Variants in SLC25A42 observed in about 807,000 individuals in gnomAD.
The protein encoded by SLC25A42 is mitochondrial coenzyme A transporter SLC25A42.
A neutral mutation model predicts 34.7 loss-of-function variants in SLC25A42; 19 were observed. That is an observed-to-expected ratio of 0.55 (90% CI 0.38 to 0.80). The LOEUF (loss-of-function observed/expected upper bound fraction) is 0.80. Among genes scored for constraint, SLC25A42 ranks in the 30% least tolerant of loss-of-function variants. The pLI, the probability that SLC25A42 is intolerant of heterozygous loss-of-function variation, is 0.00. For synonymous variants in SLC25A42, 205 were observed against 191.2 expected (o/e 1.07, Z -0.59); for missense variants, 364 against 441.3 (o/e 0.82, Z 1.57).
chr19:19,101,904 C>T lies in SLC25A42; in HGVS notation c.187+18C>T, dbSNP rs754960131. 2.0e-5 allele frequency: 32 copies of T among 1,599,248 alleles called. No individual in the cohort carries two copies. The highest frequency in any genetic ancestry group is 1.7e-4 in the African/African-American group (13 of 74,474). On this transcript the variant is annotated intron_variant, in intron 3 of 7. Coordinates refer to ENST00000318596, the MANE Select transcript of SLC25A42 (RefSeq NM_178526.5). ...CTTCCAAGGTAAGTGTTGGCCATCCCCAGGTGCTAGAGAAGCTGCCAGGCG... is the reference window on the plus strand; with the variant it reads ...CTTCCAAGGTAAGTGTTGGCCATCCTCAGGTGCTAGAGAAGCTGCCAGGCG...
chr19:19,075,023 G>A (rs918742786), intron 1 of SLC25A42, among the ~76,000 whole-genome samples: 1 of 151,962 alleles, frequency 6.6e-6, no homozygotes, highest in Non-Finnish European at 1.5e-5. Context: ...GCATGATAGT[G>A]TACACCCATA....
chr19:19,077,004 T>C (rs1466982485), intron 1 of SLC25A42, among the ~76,000 whole-genome samples: 1 of 152,018 alleles, frequency 6.6e-6, no homozygotes, highest in Admixed American at 6.5e-5. Context: ...GGCAACATAG[T>C]AAGACCCCAT....
At chr19:19,107,524 G>T (rs2059838116) in intron 6 of SLC25A42, among the ~76,000 whole-genome samples, 1 of 152,050 alleles carries the variant, frequency 6.6e-6, no homozygotes, top group Non-Finnish European at 1.5e-5. Flanking sequence ...CCAGCTACTT[G>T]GGAGGCTGAA....
At chr19:19,080,016 A>G (rs1232517904) in intron 1 of SLC25A42, among the ~76,000 whole-genome samples, 1 of 152,194 alleles carries the variant, frequency 6.6e-6, no homozygotes, top group Non-Finnish European at 1.5e-5. Context: ...CCCAGCATAC[A>G]AGGACACCAG....
In SLC25A42 at chr19:19,110,921, G is replaced by A; in HGVS notation, c.*45G>A. The stretch of plus-strand genomic sequence containing the variant: ...AGGACGGTGGACCGGTGACCCCTTT[G>A]TATTCTGGGCCCATGGAACGGTGGG... On this transcript the variant is annotated 3_prime_UTR_variant, in exon 8 of 8. Coordinates refer to ENST00000318596, the MANE Select transcript of SLC25A42 (RefSeq NM_178526.5). 6.2e-7 allele frequency: 1 copy of A among 1,604,386 alleles called. No individual in the cohort carries two copies. Among genetic ancestry groups the A allele is most frequent in the South Asian group, 1.1e-5 (1 of 90,572 alleles).
chr19:19,068,341 C>T (rs1051667891), intron 1 of SLC25A42, among the ~76,000 whole-genome samples: 1 of 139,376 alleles, frequency 7.2e-6, no homozygotes, highest in African/African-American at 2.7e-5. Context: ...GGCGACAGAG[C>T]GAGACTCTGT....
At position 19,095,997 on chromosome 19, in the gene SLC25A42, A is replaced by G. The variant is rs578138726; in HGVS notation, c.-34-94A>G. ...CAGTTGAGGGCATCCCTCCCCACGCAGGGAGCCAGAAACTGGGATAGGAAA... is the reference window on the plus strand; with the variant it reads ...CAGTTGAGGGCATCCCTCCCCACGCGGGGAGCCAGAAACTGGGATAGGAAA... On this transcript the variant is annotated intron_variant, in intron 1 of 7. Coordinates refer to ENST00000318596, the MANE Select transcript of SLC25A42 (RefSeq NM_178526.5). The G allele has an allele frequency of 5.6e-5, 46 of 817,826 alleles. No individual in the cohort carries two copies. In the East Asian group the frequency reaches 1.2e-3, roughly 21 times the overall value. 50.7% of individuals were successfully genotyped at this position (817,826 alleles called of 1,614,324 possible). A position where few individuals can be genotyped will look rare whatever the true frequency, so the allele number is the denominator to read the frequency against.
intron 6 of SLC25A42, 34 bp downstream of exon 6, chr19:19,106,419 CG>C: frequency 2.6e-6 from 4 of 1,555,966 alleles, no homozygotes; most frequent in South Asian, 1.1e-5. Flanking sequence ...GCATCAGCCC[CG>C]GGGGCTCTGT....
chr19:19,088,171 A>C (rs1046172296), intron 1 of SLC25A42, among the ~76,000 whole-genome samples: 114 of 149,066 alleles, frequency 7.6e-4, no homozygotes, highest in Non-Finnish European at 9.1e-4. Context: ...TCCAGACCCC[A>C]CCCCAGCCCT....
intron 1 of SLC25A42, among the ~76,000 whole-genome samples, chr19:19,083,282 T>C (rs752385249): frequency 6.6e-5 from 10 of 152,206 alleles, no homozygotes; most frequent in African/African-American, 1.2e-4. Context: ...GGTGATTACA[T>C]TGGGGCCATC....
chr19:19,107,642 A>T (rs557390658), intron 6 of SLC25A42, among the ~76,000 whole-genome samples: 1 of 152,258 alleles, frequency 6.6e-6, no homozygotes, highest in African/African-American at 2.4e-5. Flanking sequence ...ACAAAAACAA[A>T]GAAACAAAAA....
intron 3 of SLC25A42, among the ~76,000 whole-genome samples, chr19:19,104,201 C>CT (rs2059813671): frequency 6.6e-6 from 1 of 152,238 alleles, no homozygotes; most frequent in Non-Finnish European, 1.5e-5. Flanking sequence ...GTTTGAGCCA[C>CT]TGCACCTGGC....
intron 1 of SLC25A42, among the ~76,000 whole-genome samples, chr19:19,068,364 A>C (rs1006907237): frequency 3.4e-5 from 5 of 147,988 alleles, no homozygotes; most frequent in Non-Finnish European, 6.0e-5. Context: ...CAAAAAAAAA[A>C]AAAAAAAGTA....
intron 2 of SLC25A42, among the ~76,000 whole-genome samples, chr19:19,101,542 C>A (rs116968942): frequency 6.6e-6 from 1 of 152,338 alleles, no homozygotes; most frequent in East Asian, 1.9e-4. Flanking sequence ...AACCTGCACA[C>A]CTCACCTCCA....
chr19:19,064,097 C>G lies in SLC25A42; in HGVS notation c.-53C>G, dbSNP rs2059588130. ...GGGGCCCAAGCGTCAGCGGCCCGCG[C>G]CTGTCGGGCTGAACTGAGGTGAGGC... On this transcript the variant is annotated 5_prime_UTR_variant, in exon 1 of 8. Transcript: ENST00000318596. 1 of 152,246 alleles carries G rather than the reference C, an allele frequency of 6.6e-6. No individual in the cohort carries two copies. Among genetic ancestry groups the G allele is most frequent in the African/African-American group, 2.4e-5 (1 of 41,406 alleles). The allele number at this position is 152,246 out of a possible 1,614,324, so 9.4% of individuals were successfully genotyped here.
At chr19:19,080,207 G>A (rs1193029474) in intron 1 of SLC25A42, among the ~76,000 whole-genome samples, 3 of 152,190 alleles carry the variant, frequency 2.0e-5, no homozygotes, top group Admixed American at 1.3e-4. Flanking sequence ...GCCTGAGGGT[G>A]CTCATCTGGT....
chr19:19,104,798 A>G, intron 3 of SLC25A42, 115 bp from the exon 4 acceptor site: 1 of 1,112,266 alleles, frequency 9.0e-7, no homozygotes, highest in Admixed American at 2.2e-5. Flanking sequence ...TTCCTGGGAC[A>G]AGATTGGGGG....
chr19:19,091,493 G>C (rs1048917879), intron 1 of SLC25A42, among the ~76,000 whole-genome samples: 3 of 151,788 alleles, frequency 2.0e-5, no homozygotes, highest in African/African-American at 7.3e-5. Flanking sequence ...ATAAATAAAG[G>C]GTAGTTTGTA....
chr19:19,100,658 C>T lies in SLC25A42; in HGVS notation c.82-1123C>T, dbSNP rs527844755. Among the ~76,000 whole-genome samples, 52 of 152,308 alleles carry T rather than the reference C, an allele frequency of 3.4e-4. 2 individuals carry two copies. In the South Asian group the frequency reaches 7.7e-3, roughly 22 times the overall value. On this transcript the variant is annotated intron_variant, in intron 2 of 7. Coordinates refer to ENST00000318596, the MANE Select transcript of SLC25A42 (RefSeq NM_178526.5). ...TACAGAACCCTGGGCCACCTCCTCG[C>T]GGCACCTTCCCAATGGGTGGCTGTA...
Sources: gnomAD v4.1 joint callset for allele counts (sites outside exome capture counted in the v4.1 genomes callset) on GRCh38, gnomAD v4.1.1 for gene constraint, MANE v1.5 for transcripts, NCBI Gene and HGNC (gene_info 2026-07-23, HGNC 2026-07-21) for gene names.